The following PTPRT variants were observed in gnomAD, a reference collection of about 807,000 sequenced individuals.
PTPRT encodes protein tyrosine phosphatase receptor type T.
In PTPRT, 56 loss-of-function variants were observed where a neutral mutation model predicts 176.8. The observed-to-expected ratio is 0.32, with a 90% CI of 0.26 to 0.40. The LOEUF is 0.40. PTPRT is among the 10% of genes least tolerant of loss of function. The probability of loss-of-function intolerance (pLI) is 1.00; values close to 1 mark genes in which losing one functional copy is unlikely to be tolerated. For synonymous variants in PTPRT, 783 were observed against 739.0 expected (o/e 1.06, Z -0.96); for missense variants, 1,540 against 1,908.2 (o/e 0.81, Z 3.60).
At chr20:42,518,139 T>A (rs1040643934) in intron 7 of PTPRT, among the ~76,000 whole-genome samples, 35 of 152,214 alleles carry the variant, frequency 2.3e-4, no homozygotes, top group African/African-American at 7.9e-4. Flanking sequence ...GGTGGTTATA[T>A]CTTCAGGATG....
intron 14 of PTPRT, among the ~76,000 whole-genome samples, chr20:42,247,604 A>G (rs909949269): frequency 6.6e-6 from 1 of 152,200 alleles, no homozygotes; most frequent in African/African-American, 2.4e-5. Context: ...CCAGAGCTTC[A>G]GGCTGAGGTG....
intron 17 of PTPRT, among the ~76,000 whole-genome samples, chr20:42,155,877 C>T (rs746788649): frequency 6.6e-6 from 1 of 152,184 alleles, no homozygotes; most frequent in Non-Finnish European, 1.5e-5. Flanking sequence ...ATCTAAAATG[C>T]AAATCTACTT....
chr20:42,900,309 C>G (rs946633331), intron 1 of PTPRT, among the ~76,000 whole-genome samples: 10 of 152,146 alleles, frequency 6.6e-5, no homozygotes, highest in African/African-American at 2.4e-4. Flanking sequence ...GTGTGAGGCC[C>G]CTTCCTCAGT....
intron 17 of PTPRT, among the ~76,000 whole-genome samples, chr20:42,159,529 G>T (rs1301567967): frequency 6.6e-6 from 1 of 151,918 alleles, no homozygotes; most frequent in African/African-American, 2.4e-5. Context: ...ATGCTCACAT[G>T]CACCCTATGT....
At chr20:42,956,877 G>A (rs206660) in intron 1 of PTPRT, among the ~76,000 whole-genome samples, 3,386 of 152,206 alleles carry the variant, frequency 0.022, 124 homozygotes, top group African/African-American at 0.076. Flanking sequence ...CCAAGATACC[G>A]TTTCTTTGAA....
intron 12 of PTPRT, among the ~76,000 whole-genome samples, chr20:42,300,214 C>A (rs768887963): frequency 6.8e-6 from 1 of 146,904 alleles, no homozygotes; most frequent in Non-Finnish European, 1.5e-5. Flanking sequence ...GCCAAGATCA[C>A]GCCATTGTAC....
chr20:42,971,487 C>A (rs533321259), intron 1 of PTPRT: 55 of 152,324 alleles, frequency 3.6e-4, no homozygotes, highest in Non-Finnish European at 6.0e-4. Context: ...AATTCCTTTA[C>A]CATCACCTTC....
intron 12 of PTPRT, 111 bp from the exon 13 acceptor site, chr20:42,282,636 T>C: frequency 1.2e-6 from 1 of 815,854 alleles, no homozygotes; most frequent in Non-Finnish European, 1.9e-6. Context: ...CATATGTATT[T>C]TTAATTATAA....
intron 15 of PTPRT, among the ~76,000 whole-genome samples, chr20:42,220,966 A>G (rs2055872835): frequency 6.6e-6 from 1 of 152,188 alleles, no homozygotes; most frequent in African/African-American, 2.4e-5. Flanking sequence ...GAGTATATTT[A>G]AAGAAATGAT....
intron 16 of PTPRT, among the ~76,000 whole-genome samples, chr20:42,188,779 C>A (rs947091046): frequency 6.6e-6 from 1 of 152,114 alleles, no homozygotes; most frequent in Admixed American, 6.5e-5. Context: ...GAGAACAATT[C>A]TATTTTCTTC....
intron 2 of PTPRT, among the ~76,000 whole-genome samples, chr20:42,797,077 G>A (rs963257911): frequency 2.6e-5 from 4 of 152,174 alleles, no homozygotes; most frequent in African/African-American, 9.7e-5. Flanking sequence ...TTTTGTTTCA[G>A]TGTAGCAGGG....
intron 6 of PTPRT, among the ~76,000 whole-genome samples, chr20:42,754,193 A>T (rs200704866): frequency 0.11 from 14,555 of 133,936 alleles, 763 homozygotes; most frequent in South Asian, 0.16. Context: ...TTCAAAAAAA[A>T]TTTTTTTTTT....
intron 7 of PTPRT, among the ~76,000 whole-genome samples, chr20:42,644,822 C>A (rs1008966705): frequency 2.0e-5 from 3 of 152,122 alleles, no homozygotes; most frequent in African/African-American, 7.2e-5. Context: ...AACACTTAGT[C>A]CTTAAGCAAT....
At chr20:42,042,271 G>A in the PTPRT span, among the ~76,000 whole-genome samples, 32 of 152,110 alleles carry the variant, frequency 2.1e-4, no homozygotes, top group Non-Finnish European at 2.6e-4. Flanking sequence ...ACTCTGCCAA[G>A]CATTAGTGAG....
At chr20:42,945,998 G>A (rs1980862222) in intron 1 of PTPRT, among the ~76,000 whole-genome samples, 1 of 152,158 alleles carries the variant, frequency 6.6e-6, no homozygotes, top group African/African-American at 2.4e-5. Context: ...AACCTTCTGT[G>A]TTGGGCTTCT....
chr20:42,677,994 G>A lies in PTPRT; in HGVS notation c.1025C>T (p.Ser342Phe), dbSNP rs1238580448. Residue 342 changes from serine to phenylalanine, a missense_variant, in exon 7 of 31, where the codon TCT (serine) becomes TTT (phenylalanine). Ser to Phe is a radical substitution (Grantham distance 155). Around this residue, in one of 11 missense-constraint regions of PTPRT, gnomAD observed 273 missense variants for 432.1 expected, o/e 0.63. Coordinates refer to ENST00000373187, the MANE Select transcript of PTPRT (RefSeq NM_007050.6). ...CAGATGCCACAGCTTATAGTTGGGA[G>A]AGTCGACTATGTGGGTCTCTGCCCA... ...GTWAETHIVD[S>F]PNYKLWHLDP... 1 of 1,614,166 alleles carries A rather than the reference G, an allele frequency of 6.2e-7. No homozygotes were observed. Among genetic ancestry groups the A allele is most frequent in the South Asian group, 1.1e-5 (1 of 91,078 alleles).
chr20:42,791,567 GC>G, intron 2 of PTPRT, 101 bp from the exon 3 acceptor site: 1 of 1,321,232 alleles, frequency 7.6e-7, no homozygotes. Context: ...CAGAGGAGTG[GC>G]CAGAGATCAA....
intron 7 of PTPRT, among the ~76,000 whole-genome samples, chr20:42,609,321 G>C (rs1022145024): frequency 4.6e-5 from 7 of 152,036 alleles, no homozygotes; most frequent in Admixed American, 3.9e-4. Flanking sequence ...CGATCCGCCC[G>C]CCTCAGCCTC....
intron 27 of PTPRT, among the ~76,000 whole-genome samples, chr20:42,092,550 T>C (rs745385729): frequency 1.2e-4 from 18 of 152,186 alleles, no homozygotes; most frequent in Non-Finnish European, 2.6e-4. Context: ...CTCAGGTCTC[T>C]TGACCCCAGG....
Sources: gnomAD v4.1 joint callset for allele counts (sites outside exome capture counted in the v4.1 genomes callset) on GRCh38, gnomAD v4.1.1 for gene constraint, gnomAD v4.1.1 regional missense constraint, MANE v1.5 for transcripts, NCBI Gene and HGNC (gene_info 2026-07-23, HGNC 2026-07-21) for gene names.